MASTL: variants seen among roughly 807,000 people sequenced by gnomAD.
MASTL encodes serine/threonine-protein kinase greatwall.
MASTL carries 54 observed loss-of-function variants against 82.5 expected under a neutral mutation model. The observed-to-expected ratio is 0.65, with a 90% CI of 0.53 to 0.82. MASTL has a LOEUF of 0.82. MASTL is among the 40% of genes least tolerant of loss of function. The probability of loss-of-function intolerance (pLI) is 0.00; values close to 1 mark genes in which losing one functional copy is unlikely to be tolerated. For missense variants in MASTL, 950 were observed against 1,047.8 expected (o/e 0.91, Z 1.29); for synonymous variants, 323 against 368.9 (o/e 0.88, Z 1.43).
At chr10:27,182,412 A>C (rs1033127036) in intron 11 of MASTL, among the ~76,000 whole-genome samples, 1 of 152,070 alleles carries the variant, frequency 6.6e-6, no homozygotes, top group Non-Finnish European at 1.5e-5. Context: ...AGGCAAAAAA[A>C]ATTTAGTGTG....
chr10:27,178,783 T>G (rs2058183788), intron 9 of MASTL, among the ~76,000 whole-genome samples: 1 of 152,136 alleles, frequency 6.6e-6, no homozygotes, highest in Non-Finnish European at 1.5e-5. Context: ...CCCCTACTTT[T>G]CTGTTATTTG....
intron 4 of MASTL, among the ~76,000 whole-genome samples, chr10:27,163,653 C>T (rs1378626315): frequency 1.3e-5 from 2 of 149,384 alleles, no homozygotes; most frequent in Non-Finnish European, 3.0e-5. Context: ...GACAGAGTCT[C>T]GCTTTGTTGC....
At position 27,165,143 on chromosome 10, in the gene MASTL, G is replaced by A. The variant is rs1281346060; in HGVS notation, c.633G>A (p.Val211=). Residue 211 remains valine, a synonymous_variant, in exon 5 of 12, where the codon GTG becomes GTA. Transcript: ENST00000375940. ...ATTATTCAAGAACCCCAGGACAAGT[G>A]TTATCGCTTATCAGCTCGTTGGGAT... ...RQDYSRTPGQ[V]LSLISSLGFN... 4 of 1,613,360 alleles carry A rather than the reference G, an allele frequency of 2.5e-6. No homozygotes were observed. The Admixed American group carries it at 5.0e-5, about 20-fold the overall frequency.
At chr10:27,165,748 A>G (rs1349947422) in intron 6 of MASTL, among the ~76,000 whole-genome samples, 1 of 151,952 alleles carries the variant, frequency 6.6e-6, no homozygotes, top group African/African-American at 2.4e-5. Flanking sequence ...CATCTCTACA[A>G]AAATTAGCTG....
Position 27,181,542 on chromosome 10 carries a change from C to A in MASTL, c.2443C>A (p.Leu815Ile). The A allele has an allele frequency of 6.2e-7, 1 of 1,612,870 alleles. No homozygotes were observed. Among genetic ancestry groups the A allele is most frequent in the Non-Finnish European group, 8.5e-7 (1 of 1,179,042 alleles). Residue 815 changes from leucine (L) to isoleucine (I), a missense_variant, in exon 11 of 12, where the codon CTT becomes ATT. Transcript: ENST00000375940. Reference protein sequence around the residue: ...SDNAQSAVEILLTIDDTKRAG... With the variant: ...SDNAQSAVEIILTIDDTKRAG... ...TAATGCTCAAAGTGCAGTAGAAATA[C>A]TTTTAACCATTGATGATACAAAGAG...
chr10:27,167,207 C>A lies in MASTL; in HGVS notation c.917C>A (p.Ser306Tyr). ...GCCACATCCAGTGCCAGTAGTCAAT[C>A]CCACACCTTCATATCCAGTGTGGAA... ...RLATSSASSQ[S>Y]HTFISSVESE... is the part of the protein sequence containing the mutation. The change falls in exon 7 of 12, where the codon TCC (serine) becomes TAC (tyrosine). Residue 306 changes from serine to tyrosine, a missense_variant. By Grantham distance (144) the Ser-to-Tyr change is moderately radical. Coordinates refer to ENST00000375940, the MANE Select transcript of MASTL (RefSeq NM_001172303.3). The A allele has an allele frequency of 6.2e-7, 1 of 1,613,996 alleles. No homozygotes were observed. Among genetic ancestry groups the A allele is most frequent in the Non-Finnish European group, 8.5e-7 (1 of 1,179,886 alleles).
intron 9 of MASTL, among the ~76,000 whole-genome samples, chr10:27,175,245 C>T (rs1388546047): frequency 6.6e-5 from 10 of 151,906 alleles, no homozygotes; most frequent in South Asian, 2.1e-4. Flanking sequence ...TGCAGTGGCA[C>T]GATCTCAGCT....
rs148323576 is a variant in MASTL, at chr10:27,174,644, A to C, written c.2266+1385A>C. On this transcript the variant is annotated intron_variant, in intron 9 of 11. Coordinates refer to ENST00000375940, the MANE Select transcript of MASTL (RefSeq NM_001172303.3). ...TTCTGGTGGCTTGCTGGCAATCCTCAGTGTTCCTTGACTTGAAGATGCCTC... is the reference window on the plus strand; with the variant it reads ...TTCTGGTGGCTTGCTGGCAATCCTCCGTGTTCCTTGACTTGAAGATGCCTC... Among the ~76,000 whole-genome samples the C allele has an allele frequency of 6.6e-5, 10 of 152,166 alleles. No individual in the cohort carries two copies. The East Asian group carries it at 1.7e-3, about 27-fold the overall frequency.
rs2058859147 is a variant in MASTL, at chr10:27,187,808, A to G, written c.*1272A>G. On this transcript the variant is annotated 3_prime_UTR_variant, in exon 12 of 12. Transcript: ENST00000375940. ...GGTGTGATATAATGTAGCAATTTGA[A>G]TAGCTTGTTCAATTTTAATAGAAAA... Among the ~76,000 whole-genome samples, 1 of 152,216 alleles carries G rather than the reference A, an allele frequency of 6.6e-6. No individual in the cohort carries two copies. Among genetic ancestry groups the G allele is most frequent in the Admixed American group, 6.6e-5 (1 of 15,264 alleles).
chr10:27,160,918 A>G (rs2135982407), intron 3 of MASTL, among the ~76,000 whole-genome samples, 176 bp from the exon 4 acceptor site: 1 of 152,368 alleles, frequency 6.6e-6, no homozygotes, highest in East Asian at 1.9e-4. Flanking sequence ...AAACAGTACG[A>G]AAGATGTTTT....
intron 9 of MASTL, among the ~76,000 whole-genome samples, chr10:27,175,172 A>AT (rs755391128): frequency 7.0e-4 from 82 of 116,584 alleles, no homozygotes; most frequent in Admixed American, 1.3e-3. Context: ...AAATTCTTTT[A>AT]TTTATTATTT....
Position 27,170,256 on chromosome 10 carries a change from A to G in MASTL, c.1297A>G (p.Ile433Val). ...TCAGTGGGCTGTGGATTCTGGTGGG[A>G]TATCTGAAGAGCACCTTGGGAAAAG... ...SNQWAVDSGG[I>V]SEEHLGKRSL... Residue 433 changes from isoleucine (I) to valine (V), a missense_variant, in exon 8 of 12, where the codon ATA becomes GTA. By Grantham distance (29) the Ile-to-Val change is conservative. Coordinates refer to ENST00000375940, the MANE Select transcript of MASTL (RefSeq NM_001172303.3). The G allele has an allele frequency of 7.4e-6, 12 of 1,614,110 alleles. No individual in the cohort carries two copies. Among genetic ancestry groups the G allele is most frequent in the Non-Finnish European group, 8.5e-6 (10 of 1,179,998 alleles).
chr10:27,154,575 T>G (rs976549980), upstream of MASTL: 12 of 363,028 alleles, frequency 3.3e-5, no homozygotes, highest in East Asian at 1.2e-4. Flanking sequence ...TTTCTTCGTT[T>G]TTTTTTTTTT....
chr10:27,177,975 G>A (rs781174830), intron 9 of MASTL, among the ~76,000 whole-genome samples: 7 of 152,216 alleles, frequency 4.6e-5, no homozygotes, highest in Admixed American at 6.5e-5. Flanking sequence ...AAGACATCCA[G>A]AGAGGTGGTT....
chr10:27,163,431 CA>C (rs1310834411), intron 4 of MASTL, among the ~76,000 whole-genome samples: 1 of 152,042 alleles, frequency 6.6e-6, no homozygotes, highest in African/African-American at 2.4e-5. Flanking sequence ...TCACAAATGA[CA>C]AAAATTTTGC....
At chr10:27,182,383 A>G (rs1246301453) in intron 11 of MASTL, among the ~76,000 whole-genome samples, 5 of 152,116 alleles carry the variant, frequency 3.3e-5, no homozygotes, top group African/African-American at 9.7e-5. Context: ...TGAAAATTCA[A>G]TGTGTCACAT....
chr10:27,162,546 G>A (rs1024077716), intron 4 of MASTL, among the ~76,000 whole-genome samples: 2 of 152,132 alleles, frequency 1.3e-5, no homozygotes, highest in African/African-American at 2.4e-5. Flanking sequence ...GCACACGCCT[G>A]TAGTCCCAGC....
At position 27,170,140 on chromosome 10, in the gene MASTL, C is replaced by G; in HGVS notation, c.1181C>G (p.Ser394Cys). The change falls in exon 8 of 12, where the codon TCT (serine) becomes TGT (cysteine). Residue 394 changes from serine (S) to cysteine (C), a missense_variant. Ser to Cys is a moderately radical substitution (Grantham distance 112, BLOSUM62 -1). Transcript: ENST00000375940. Reference sequence around the variant, plus strand: ...GTAAACCTTGCTAAAAAATGCTTCTCTGGGGAAGTTTCTTGGGAAGCAGTA... The same window carrying G: ...GTAAACCTTGCTAAAAAATGCTTCTGTGGGGAAGTTTCTTGGGAAGCAGTA... The part of the protein sequence containing the change: ...SCVNLAKKCF[S>C]GEVSWEAVEL... 1 of 1,614,138 alleles carries G rather than the reference C, an allele frequency of 6.2e-7. No homozygotes were observed. Among genetic ancestry groups the G allele is most frequent in the African/African-American group, 1.3e-5 (1 of 75,036 alleles).
chr10:27,155,189 A>C, upstream of MASTL: 18 of 546,736 alleles, frequency 3.3e-5, no homozygotes, highest in Non-Finnish European at 4.6e-5. Context: ...CTCATGAGGA[A>C]TGATGTCAGT....
Sources: gnomAD v4.1 joint callset for allele counts (sites outside exome capture counted in the v4.1 genomes callset) on GRCh38, gnomAD v4.1.1 for gene constraint, MANE v1.5 for transcripts, NCBI Gene and HGNC (gene_info 2026-07-23, HGNC 2026-07-21) for gene names.